Variants in MFSD11 observed in about 807,000 individuals in gnomAD.
The protein encoded by MFSD11 is UNC93-like protein MFSD11.
In MFSD11, 36 loss-of-function variants were observed where a neutral mutation model predicts 53.5. The observed-to-expected ratio is 0.67, with a 90% CI of 0.52 to 0.89. The LOEUF is 0.89. Among genes scored for constraint, MFSD11 ranks in the 40% least tolerant of loss-of-function variants. The probability of loss-of-function intolerance (pLI) is 0.00; values close to 1 mark genes in which losing one functional copy is unlikely to be tolerated. For synonymous variants in MFSD11, 186 were observed against 184.9 expected (o/e 1.01, Z -0.05); for missense variants, 530 against 543.9 (o/e 0.97, Z 0.25).
In MFSD11 at chr17:76,749,460, C is replaced by T. The variant is rs140306514; in HGVS notation, c.642-4587C>T. ...GGGAGAATCGCTTACGCCCAGGACG[C>T]GGAGGTTGCAGTGAGCCAAGATAAT... On this transcript the variant is annotated intron_variant, in intron 7 of 12. Transcript: ENST00000685175. 2.1e-3 allele frequency among the ~76,000 whole-genome samples: 317 copies of T among 150,966 alleles called. 2 individuals are homozygous for T. The highest frequency in any genetic ancestry group is 7.3e-3 in the African/African-American group (301 of 41,026).
intron 7 of MFSD11, chr17:76,747,803 G>A (rs910404942): frequency 6.6e-6 from 1 of 152,206 alleles, no homozygotes; most frequent in Non-Finnish European, 1.5e-5. Context: ...GCCAAGTTGG[G>A]GAGGTGGATG....
At chr17:76,761,326 A>G (rs1018795500) in intron 8 of MFSD11, among the ~76,000 whole-genome samples, 4 of 152,234 alleles carry the variant, frequency 2.6e-5, no homozygotes, top group East Asian at 1.9e-4. Context: ...CAATTTCACT[A>G]GTAAGATTAT....
chr17:76,784,469 G>T (rs1283034812), downstream of MFSD11, among the ~76,000 whole-genome samples: 1 of 152,054 alleles, frequency 6.6e-6, no homozygotes, highest in Non-Finnish European at 1.5e-5. Flanking sequence ...GGAGGCAGAG[G>T]TTGCAGTGAG....
upstream of MFSD11, chr17:76,738,027 G>A: frequency 2.8e-6 from 1 of 360,284 alleles, no homozygotes; most frequent in Non-Finnish European, 5.0e-6. Flanking sequence ...GCGGGGCCGC[G>A]CCGGCTGCTG....
Position 76,738,971 on chromosome 17 carries a change from T to C in MFSD11, c.130T>C (p.Phe44Leu). The C allele has an allele frequency of 6.2e-7, 1 of 1,614,042 alleles. No individual in the cohort carries two copies. The highest frequency in any genetic ancestry group is 8.5e-7 in the Non-Finnish European group (1 of 1,179,886). ...CATCAGGAGCTTAAATAGGACAGATTTTCACGGCAGTGGATATACCAGGTA... is the reference window on the plus strand; with the variant it reads ...CATCAGGAGCTTAAATAGGACAGATCTTCACGGCAGTGGATATACCAGGTA... ...TVIRSLNRTD[F>L]HGSGYTSMAI... Residue 44 changes from phenylalanine (F) to leucine (L), a missense_variant, in exon 2 of 13, where the codon TTT (phenylalanine) becomes CTT (leucine). Physicochemically the swap from Phe to Leu is conservative, Grantham distance 22. Coordinates refer to ENST00000685175, the MANE Select transcript of MFSD11 (RefSeq NM_001242532.5).
In MFSD11 at chr17:76,776,531, A is replaced by G. The variant is rs1402474536; in HGVS notation, c.1175A>G (p.Lys392Arg). ...AGCGCCCCAGCATTTGCCATCTTCA[A>G]GTTTGTTCAGGTAACCTCTTCAGAT... ...EDSAPAFAIFKFVQSICAAVA... is the reference protein window; with the variant it reads ...EDSAPAFAIFRFVQSICAAVA... Residue 392 changes from lysine to arginine, a missense_variant, in exon 12 of 13, where the codon AAG (lysine) becomes AGG (arginine). Physicochemically the swap from Lys to Arg is conservative, Grantham distance 26. Coordinates refer to ENST00000685175, the MANE Select transcript of MFSD11 (RefSeq NM_001242532.5). This position sits in a 1 kb window ranked among gnomAD's most constrained non-coding sequence, Gnocchi z 4.2. 3.1e-6 allele frequency: 5 copies of G among 1,613,766 alleles called. No individual in the cohort carries two copies. Among genetic ancestry groups the G allele is most frequent in the Non-Finnish European group, 8.5e-7 (1 of 1,179,984 alleles).
chr17:76,738,088 C>A (rs1482687059), upstream of MFSD11: 1 of 483,470 alleles, frequency 2.1e-6, no homozygotes, highest in African/African-American at 2.0e-5. Context: ...CAACCTGGAG[C>A]GGATAAATTC....
At chr17:76,740,851 G>A (rs2078005026) in intron 2 of MFSD11, 106 bp from the exon 3 acceptor site, 3 of 671,896 alleles carry the variant, frequency 4.5e-6, no homozygotes, top group Non-Finnish European at 7.9e-6. Flanking sequence ...AATAATATGA[G>A]TGTTTATTGT....
the MFSD11 span, among the ~76,000 whole-genome samples, chr17:76,794,068 G>C: frequency 7.3e-5 from 11 of 151,416 alleles, no homozygotes; most frequent in Non-Finnish European, 1.5e-4. Context: ...CAGGAGACCC[G>C]TCTTGCACTT....
chr17:76,738,946 C>T lies in MFSD11; in HGVS notation c.105C>T (p.Val35=). ...FQTCGNVAQT[V]IRSLNRTDFH... ...TTTTATCTTCCACACAGCAAACTGT[C>T]ATCAGGAGCTTAAATAGGACAGATT... The change falls in exon 2 of 13, where the codon GTC becomes GTT. Residue 35 remains valine (V), a synonymous_variant. Transcript: ENST00000685175. The T allele has an allele frequency of 6.2e-7, 1 of 1,613,880 alleles. No homozygotes were observed.
the MFSD11 span, among the ~76,000 whole-genome samples, chr17:76,799,942 C>CTT: frequency 9.7e-5 from 14 of 143,856 alleles, no homozygotes; most frequent in African/African-American, 3.8e-4. Context: ...CTCTTTTTTT[C>CTT]TTTTTCTTTT....
chr17:76,773,339 G>A (rs2081534097), intron 10 of MFSD11: 1 of 152,264 alleles, frequency 6.6e-6, no homozygotes, highest in Non-Finnish European at 1.5e-5. Context: ...CAGAGTGGCT[G>A]TACCAGCAAT....
At chr17:76,769,687 G>T in intron 9 of MFSD11, 59 bp from the exon 10 acceptor site, 1 of 1,381,716 alleles carries the variant, frequency 7.2e-7, no homozygotes, top group Non-Finnish European at 1.0e-6. Context: ...CTACTAGATG[G>T]GAAGATAAAC....
At chr17:76,774,757 G>C (rs2144887724) in intron 10 of MFSD11, among the ~76,000 whole-genome samples, 1 of 152,328 alleles carries the variant, frequency 6.6e-6, no homozygotes, top group East Asian at 1.9e-4. Context: ...ATAATTCACA[G>C]AGAAGAAATA....
At chr17:76,767,772 G>C (rs1371558361) in intron 9 of MFSD11, among the ~76,000 whole-genome samples, 1 of 152,142 alleles carries the variant, frequency 6.6e-6, no homozygotes, top group Non-Finnish European at 1.5e-5. Flanking sequence ...TCCAAAAAAG[G>C]CAACAGGAAA....
the MFSD11 span, among the ~76,000 whole-genome samples, chr17:76,797,670 C>T: frequency 1.3e-5 from 2 of 152,006 alleles, no homozygotes; most frequent in East Asian, 1.9e-4. Context: ...CCTGGGAATG[C>T]GGGGCAGCAG....
chr17:76,793,276 T>C, the MFSD11 span, among the ~76,000 whole-genome samples: 775 of 151,446 alleles, frequency 5.1e-3, 46 homozygotes, highest in African/African-American at 0.018. Context: ...CCATAGAAGA[T>C]GGCCACACCC....
At chr17:76,793,319 C>G in the MFSD11 span, among the ~76,000 whole-genome samples, 297 of 151,504 alleles carry the variant, frequency 2.0e-3, 14 homozygotes, top group African/African-American at 6.9e-3. Flanking sequence ...ACCCTCAGGG[C>G]CGCATTCTCT....
the MFSD11 span, among the ~76,000 whole-genome samples, chr17:76,793,561 G>A: frequency 2.2e-4 from 33 of 151,180 alleles, 1 homozygote; most frequent in Non-Finnish European, 4.0e-4. Flanking sequence ...CAATCATCAC[G>A]GGGTCCTGAG....
Sources: allele counts gnomAD v4.1 joint callset (sites outside exome capture counted in the v4.1 genomes callset), GRCh38; gene constraint gnomAD v4.1.1; non-coding constraint Gnocchi (gnomAD v3.1); transcripts MANE v1.5; gene names NCBI Gene and HGNC (gene_info 2026-07-23, HGNC 2026-07-21).